LITAF: variants seen among roughly 807,000 people sequenced by gnomAD.
The protein encoded by LITAF is lipopolysaccharide induced TNF factor, also known as lipopolysaccharide-induced tumor necrosis factor-alpha factor.
LITAF carries 9 observed loss-of-function variants against 14.5 expected under a neutral mutation model. The ratio of observed to expected loss-of-function variants is 0.62; its 90% CI spans 0.37 to 1.08. The LOEUF (loss-of-function observed/expected upper bound fraction) is 1.08, where lower values mean the gene tolerates loss of function less well. Among genes scored for constraint, LITAF ranks in the 50% least tolerant of loss-of-function variants. LITAF has a pLI of 0.01. For synonymous variants in LITAF, 98 were observed against 88.2 expected, an observed-to-expected ratio of 1.11 and a Z score of -0.62; for missense variants, 206 against 213.4, an observed-to-expected ratio of 0.97 and a Z score of 0.22.
At chr16:11,600,717 T>C (rs2064921451), upstream of LITAF, among the ~76,000 whole-genome samples, 2 of 152,174 alleles carry the variant, frequency 1.3e-5, no homozygotes, top group Admixed American at 6.5e-5. This position sits in a 1 kb window ranked among gnomAD's most constrained non-coding sequence, Gnocchi z 4.1. Context: ...CTCCCCATTC[T>C]GAGTCCATAA....
chr16:11,602,522 T>C (rs750345166), upstream of LITAF, among the ~76,000 whole-genome samples: 115 of 152,208 alleles, frequency 7.6e-4, no homozygotes, highest in Non-Finnish European at 1.4e-3. Flanking sequence ...TGTCACTGTC[T>C]ACAGCAGGTG....
chr16:11,603,188 C>T (rs904851914), upstream of LITAF, among the ~76,000 whole-genome samples: 13 of 152,328 alleles, frequency 8.5e-5, no homozygotes, highest in East Asian at 2.3e-3. Flanking sequence ...GGGTTGCAGG[C>T]AGGAGCTTTA....
intron 1 of LITAF, among the ~76,000 whole-genome samples, chr16:11,581,540 G>T (rs991220814): frequency 6.6e-6 from 1 of 152,060 alleles, no homozygotes; most frequent in South Asian, 2.1e-4. Context: ...GCTTGAGCTC[G>T]AGAGGGAGGT....
chr16:11,607,321 C>T (rs549676916), intron 3 of LITAF, among the ~76,000 whole-genome samples: 1 of 152,334 alleles, frequency 6.6e-6, no homozygotes, highest in South Asian at 2.1e-4. Context: ...GTGCTGTCTC[C>T]TCCAGCACAT....
rs2064156692 is a variant in LITAF at position 11,549,746 on chromosome 16, C to G, written c.378-1G>C. On this transcript the variant is annotated splice_acceptor_variant, in intron 3 of 3. Transcript: ENST00000622633. LOFTEE classifies it high-confidence loss of function. This position sits in a 1 kb window ranked among gnomAD's most constrained non-coding sequence, Gnocchi z 4.6. ...GATGAAGCAGCAGCCCGCTATGCAC[C>G]TGGGAGGAGAGAGAGACACACGGAG... The G allele has an allele frequency of 6.2e-7, 1 of 1,611,372 alleles. No homozygotes were observed. The highest frequency in any genetic ancestry group is 1.7e-5 in the Admixed American group (1 of 59,696).
intron 3 of LITAF, among the ~76,000 whole-genome samples, chr16:11,628,730 A>G (rs1352471438): frequency 6.6e-6 from 1 of 151,588 alleles, no homozygotes; most frequent in African/African-American, 2.4e-5. Context: ...AGGCTGGAGT[A>G]CAGTGGCGTG....
chr16:11,614,040 C>T (rs1375851084), intron 3 of LITAF, among the ~76,000 whole-genome samples: 4 of 152,150 alleles, frequency 2.6e-5, no homozygotes, highest in African/African-American at 9.7e-5. Context: ...ACAGTGGAGC[C>T]GTTGTGCCCA....
At chr16:11,640,106 T>C (rs1044555756), upstream of LITAF, among the ~76,000 whole-genome samples, 12 of 152,156 alleles carry the variant, frequency 7.9e-5, no homozygotes, top group African/African-American at 2.7e-4. Flanking sequence ...CCTTGTTTGT[T>C]GACTGTCCTC....
intron 1 of LITAF, among the ~76,000 whole-genome samples, chr16:11,594,243 C>T (rs897595090): frequency 1.3e-5 from 2 of 151,848 alleles, no homozygotes; most frequent in Non-Finnish European, 2.9e-5. Context: ...ACACTACATG[C>T]CAATGAATTG....
At chr16:11,562,300 C>CGA (rs1306880666) in intron 1 of LITAF, among the ~76,000 whole-genome samples, 1 of 114,024 alleles carries the variant, frequency 8.8e-6, no homozygotes, top group Admixed American at 1.3e-4. Flanking sequence ...GGTGACTGAG[C>CGA]GAGACTCCGT....
intron 3 of LITAF, among the ~76,000 whole-genome samples, chr16:11,628,785 T>G (rs2065101125): frequency 6.6e-6 from 1 of 152,170 alleles, no homozygotes; most frequent in African/African-American, 2.4e-5. Flanking sequence ...CCAGTGATCC[T>G]CCTGCCTCAG....
chr16:11,559,556 G>GT (rs1181504736), intron 1 of LITAF, among the ~76,000 whole-genome samples: 2 of 151,760 alleles, frequency 1.3e-5, no homozygotes, highest in Non-Finnish European at 2.9e-5. Context: ...TACACCCTGG[G>GT]TTTCAAAACT....
At chr16:11,575,346 G>C (rs2064615362) in intron 1 of LITAF, 1 of 152,190 alleles carries the variant, frequency 6.6e-6, no homozygotes. Flanking sequence ...GAGGATCTGG[G>C]GACAAGGGCA....
In LITAF at chr16:11,566,625, C is replaced by T. The variant is rs190756692; in HGVS notation, c.-5-9890G>A. 3.2e-4 allele frequency among the ~76,000 whole-genome samples: 49 copies of T among 152,132 alleles called. No homozygotes were observed. The East Asian group carries it at 8.3e-3, about 26-fold the overall frequency. On this transcript the variant is annotated intron_variant, in intron 1 of 3. Coordinates refer to ENST00000622633, the MANE Select transcript of LITAF (RefSeq NM_001136472.2). The stretch of plus-strand genomic sequence containing the variant: ...CTAACAATCAAACAAATCAGCTGGG[C>T]GTGATGGCACATGTCTATAGTCCCA...
chr16:11,638,106 A>ATC (rs1567271178), upstream of LITAF, among the ~76,000 whole-genome samples: 3 of 72,256 alleles, frequency 4.2e-5, no homozygotes, highest in African/African-American at 2.2e-4. Flanking sequence ...CTATATATAT[A>ATC]TATCTATCTA....
chr16:11,639,384 G>A (rs2141918345), upstream of LITAF, among the ~76,000 whole-genome samples: 1 of 149,700 alleles, frequency 6.7e-6, no homozygotes, highest in East Asian at 2.0e-4. Flanking sequence ...AGTGGTGGAT[G>A]CATGGGTGGA....
chr16:11,602,292 G>T (rs1053087832), upstream of LITAF, among the ~76,000 whole-genome samples: 1 of 152,144 alleles, frequency 6.6e-6, no homozygotes, highest in African/African-American at 2.4e-5. Context: ...GGAGGCGGAG[G>T]TTACAGTGAG....
chr16:11,635,669 T>C (rs997718498), intron 2 of LITAF, among the ~76,000 whole-genome samples: 2 of 152,090 alleles, frequency 1.3e-5, no homozygotes, highest in Admixed American at 6.6e-5. Context: ...GGAAGAAAAA[T>C]GCCCAAACTG....
intron 2 of LITAF, among the ~76,000 whole-genome samples, chr16:11,554,644 C>T (rs1021166404): frequency 2.0e-5 from 3 of 151,750 alleles, no homozygotes; most frequent in South Asian, 2.1e-4. Flanking sequence ...AAAAATTAGC[C>T]GGGCATGATG....
Sources: gnomAD v4.1 joint callset for allele counts (sites outside exome capture counted in the v4.1 genomes callset) on GRCh38, gnomAD v4.1.1 for gene constraint, Gnocchi (gnomAD v3.1) non-coding constraint, MANE v1.5 for transcripts, NCBI Gene and HGNC (gene_info 2026-07-23, HGNC 2026-07-21) for gene names.